The following PLSCR5 variants were observed in gnomAD, a reference collection of about 807,000 sequenced individuals.
PLSCR5 encodes phospholipid scramblase family member 5, also known as phospholipid scramblase family, member 5.
In PLSCR5, 44 loss-of-function variants were observed where a neutral mutation model predicts 33.6. The observed-to-expected ratio is 1.31, with a 90% CI of 1.03 to 1.69. PLSCR5 has a LOEUF of 1.69. Ranked by LOEUF, PLSCR5 falls within the 40% of genes most tolerant of loss-of-function variation. PLSCR5 has a pLI of 0.00. For synonymous variants in PLSCR5, 148 were observed against 112.3 expected, an observed-to-expected ratio of 1.32 and a Z score of -2.01; for missense variants, 375 against 318.7, an observed-to-expected ratio of 1.18 and a Z score of -1.34.
At chr3:146,604,651 T>A (rs1427101604) in intron 1 of PLSCR5, among the ~76,000 whole-genome samples, 1 of 152,106 alleles carries the variant, frequency 6.6e-6, no homozygotes, top group African/African-American at 2.4e-5. Flanking sequence ...CTGGATTGTC[T>A]GTAACTCAAA....
At chr3:146,599,496 G>A (rs187550159) in intron 2 of PLSCR5, among the ~76,000 whole-genome samples, 1 of 149,966 alleles carries the variant, frequency 6.7e-6, no homozygotes, top group East Asian at 2.0e-4. Context: ...TTGTACACAG[G>A]CTTGCACTTT....
intron 2 of PLSCR5, among the ~76,000 whole-genome samples, chr3:146,596,217 T>A (rs1297305628): frequency 6.6e-6 from 1 of 152,164 alleles, no homozygotes; most frequent in Non-Finnish European, 1.5e-5. Context: ...GAGACAGAGT[T>A]CAGCTTTGTG....
downstream of PLSCR5, among the ~76,000 whole-genome samples, chr3:146,581,185 T>A (rs1190839552): frequency 6.6e-6 from 1 of 152,194 alleles, no homozygotes; most frequent in Non-Finnish European, 1.5e-5. Context: ...GCATTTAAAC[T>A]CCACACTTTC....
rs775698285 is a variant in PLSCR5, at chr3:146,591,831, C to A, written c.504G>T (p.Lys168Asn). 1 of 1,612,148 alleles carries A rather than the reference C, an allele frequency of 6.2e-7. No individual in the cohort carries two copies. Among genetic ancestry groups the A allele is most frequent in the East Asian group, 2.2e-5 (1 of 44,806 alleles). The change falls in exon 5 of 8, where the codon AAG becomes AAT. Residue 168 changes from lysine (K) to asparagine (N), a missense_variant. Coordinates refer to ENST00000443512, the MANE Select transcript of PLSCR5 (RefSeq NM_001085420.2). ...PGTIVGYVTQKWDPFLPKFTI... is the reference protein window; with the variant it reads ...PGTIVGYVTQNWDPFLPKFTI... ...TGAATTTAGGCAGAAAGGGGTCCCACTTCTGCGTAACGTAACCAACTATAG... is the reference window on the plus strand; with the variant it reads ...TGAATTTAGGCAGAAAGGGGTCCCAATTCTGCGTAACGTAACCAACTATAG...
chr3:146,591,607 T>C (rs2044714797), intron 5 of PLSCR5, 113 bp downstream of exon 5: 1 of 1,184,910 alleles, frequency 8.4e-7, no homozygotes, highest in Admixed American at 2.6e-5. Flanking sequence ...TACAAATATG[T>C]CATTTTCTGA....
chr3:146,583,886 C>T (rs1360873168), downstream of PLSCR5, among the ~76,000 whole-genome samples: 3 of 151,994 alleles, frequency 2.0e-5, no homozygotes, highest in East Asian at 5.8e-4. Flanking sequence ...CCCATTTTTG[C>T]CCCATGGTGA....
chr3:146,597,830 T>TA (rs936580398), intron 2 of PLSCR5, among the ~76,000 whole-genome samples: 21 of 152,206 alleles, frequency 1.4e-4, no homozygotes, highest in Admixed American at 9.8e-4. Context: ...ATAATTAATT[T>TA]AAAAAAAATC....
At chr3:146,588,325 G>A (rs1254579808) in intron 6 of PLSCR5, among the ~76,000 whole-genome samples, 3 of 152,046 alleles carry the variant, frequency 2.0e-5, no homozygotes, top group African/African-American at 4.8e-5. Context: ...AAAAAAATTA[G>A]CCGGGTATGG....
downstream of PLSCR5, among the ~76,000 whole-genome samples, chr3:146,581,416 T>C (rs565339695): frequency 1.2e-4 from 18 of 152,354 alleles, no homozygotes; most frequent in South Asian, 3.5e-3. Flanking sequence ...GCAGGAACCT[T>C]GTTGCTTTTG....
At chr3:146,594,674 T>G (rs1231543256) in intron 3 of PLSCR5, among the ~76,000 whole-genome samples, 1 of 152,144 alleles carries the variant, frequency 6.6e-6, no homozygotes, top group East Asian at 1.9e-4. Flanking sequence ...ATAATTTGCC[T>G]ATTTGGTAAA....
chr3:146,600,959 T>TTA (rs959933213), intron 1 of PLSCR5, among the ~76,000 whole-genome samples: 4 of 148,092 alleles, frequency 2.7e-5, no homozygotes, highest in African/African-American at 7.3e-5. Flanking sequence ...GTCTATATAT[T>TTA]TATATATATA....
chr3:146,586,380 T>C (rs957616314), intron 6 of PLSCR5, among the ~76,000 whole-genome samples: 5 of 152,168 alleles, frequency 3.3e-5, no homozygotes, highest in African/African-American at 1.2e-4. Context: ...ATGATTTATC[T>C]GGAGAAGAAA....
chr3:146,591,497 A>C (rs2044713801), intron 5 of PLSCR5, among the ~76,000 whole-genome samples: 1 of 152,014 alleles, frequency 6.6e-6, no homozygotes, highest in African/African-American at 2.4e-5. Context: ...CAAGGTGATA[A>C]ATTTTGTAAT....
At chr3:146,603,233 A>T (rs919863516) in intron 1 of PLSCR5, among the ~76,000 whole-genome samples, 1 of 152,142 alleles carries the variant, frequency 6.6e-6, no homozygotes, top group Non-Finnish European at 1.5e-5. Context: ...CTAATTGCCA[A>T]TATAGTTACT....
chr3:146,596,010 T>A (rs1267546819), intron 2 of PLSCR5, among the ~76,000 whole-genome samples: 1 of 152,222 alleles, frequency 6.6e-6, no homozygotes, highest in Non-Finnish European at 1.5e-5. Context: ...AAATAAATGT[T>A]ATGGCACTAA....
intron 2 of PLSCR5, among the ~76,000 whole-genome samples, chr3:146,596,624 C>T (rs1348661784): frequency 1.3e-5 from 2 of 152,112 alleles, no homozygotes; most frequent in African/African-American, 4.8e-5. Context: ...ATTTTCTTCA[C>T]CATATTCTCC....
intron 1 of PLSCR5, among the ~76,000 whole-genome samples, chr3:146,603,384 T>G (rs1370948674): frequency 6.6e-6 from 1 of 152,148 alleles, no homozygotes; most frequent in East Asian, 1.9e-4. Flanking sequence ...AAAGCTTCAT[T>G]ATCACTTATA....
chr3:146,579,650 C>T (rs1352512897), intron 7 of PLSCR5, among the ~76,000 whole-genome samples: 1 of 152,194 alleles, frequency 6.6e-6, no homozygotes, highest in Non-Finnish European at 1.5e-5. Context: ...TTTTGTTCCT[C>T]CTTAATACTT....
intron 6 of PLSCR5, among the ~76,000 whole-genome samples, chr3:146,586,855 C>A (rs2107848501): frequency 6.6e-6 from 1 of 152,122 alleles, no homozygotes; most frequent in East Asian, 1.9e-4. Context: ...AAACATAATT[C>A]TTTCTATAAA....
Sources: gnomAD v4.1 joint callset for allele counts (sites outside exome capture counted in the v4.1 genomes callset) on GRCh38, gnomAD v4.1.1 for gene constraint, MANE v1.5 for transcripts, NCBI Gene and HGNC (gene_info 2026-07-23, HGNC 2026-07-21) for gene names.